LPP: variants seen among roughly 807,000 people sequenced by gnomAD.
LPP encodes lipoma-preferred partner.
Under a neutral mutation model 60.4 loss-of-function variants are expected in LPP, and 38 were observed. The ratio of observed to expected loss-of-function variants is 0.63; its 90% CI spans 0.49 to 0.83. The LOEUF is 0.83. Among genes scored for constraint, LPP ranks in the 40% least tolerant of loss-of-function variants. LPP has a pLI of 0.00. For missense variants in LPP, 902 were observed against 783.6 expected, an observed-to-expected ratio of 1.15 and a Z score of -1.80; for synonymous variants, 328 against 290.8, an observed-to-expected ratio of 1.13 and a Z score of -1.30.
intron 2 of LPP, among the ~76,000 whole-genome samples, chr3:188,322,643 T>G (rs1209349701): frequency 1.3e-5 from 2 of 152,290 alleles, no homozygotes; most frequent in Middle Eastern, 3.4e-3. Flanking sequence ...GAATGAAAAG[T>G]TGTGAGTGCT....
chr3:188,396,669 G>C (rs905737400), intron 3 of LPP, among the ~76,000 whole-genome samples: 1 of 152,194 alleles, frequency 6.6e-6, no homozygotes, highest in African/African-American at 2.4e-5. Flanking sequence ...TAGGCACTTA[G>C]CGTCTCACCT....
intron 2 of LPP, among the ~76,000 whole-genome samples, chr3:188,317,168 C>G (rs1019044867): frequency 5.3e-5 from 8 of 152,098 alleles, no homozygotes; most frequent in Admixed American, 5.2e-4. Flanking sequence ...AGGACACCCA[C>G]GTTCTTTGCA....
intron 5 of LPP, among the ~76,000 whole-genome samples, chr3:188,516,151 G>A (rs1817302069): frequency 1.3e-5 from 2 of 152,116 alleles, no homozygotes; most frequent in African/African-American, 4.8e-5. Context: ...CTGGAGAAGG[G>A]TACATTTGGG....
At chr3:188,715,392 A>G (rs1713521020) in intron 8 of LPP, among the ~76,000 whole-genome samples, 1 of 150,456 alleles carries the variant, frequency 6.6e-6, no homozygotes, top group Non-Finnish European at 1.5e-5. Flanking sequence ...AAAAAAAAAA[A>G]AAAAAAAAAA....
intron 1 of LPP, among the ~76,000 whole-genome samples, chr3:188,181,095 C>T (rs1322971590): frequency 6.6e-6 from 1 of 152,062 alleles, no homozygotes; most frequent in Non-Finnish European, 1.5e-5. Context: ...TGGCTCATGC[C>T]TGTAATCTCA....
At chr3:188,165,338 A>G (rs577437191) in intron 1 of LPP, among the ~76,000 whole-genome samples, 2 of 152,132 alleles carry the variant, frequency 1.3e-5, no homozygotes, top group East Asian at 3.9e-4. Context: ...ACCTGGGGAA[A>G]CTCAGATAAA....
chr3:188,766,468 A>G lies in LPP; in HGVS notation c.1410+6186A>G, dbSNP rs957192628. On this transcript the variant is annotated intron_variant, in intron 9 of 11. Coordinates refer to ENST00000617246, the MANE Select transcript of LPP (RefSeq NM_001375462.1). ...AACTTTTATGAAGCACTTTTCTTTT[A>G]TCATATTACCCTCTAATTAATGATC... Among the ~76,000 whole-genome samples the G allele has an allele frequency of 7.3e-5, 11 of 150,704 alleles. 1 individual carries two copies. The highest frequency in any genetic ancestry group is 3.0e-5 in the Non-Finnish European group (2 of 67,734).
intron 3 of LPP, among the ~76,000 whole-genome samples, chr3:188,393,752 A>G (rs914835351): frequency 4.6e-5 from 7 of 152,164 alleles, no homozygotes. Context: ...TTATATAACA[A>G]TCACTTGCTG....
At chr3:188,688,123 G>A (rs561990373) in intron 7 of LPP, among the ~76,000 whole-genome samples, 2 of 152,214 alleles carry the variant, frequency 1.3e-5, no homozygotes, top group Admixed American at 1.3e-4. Flanking sequence ...AAAGTACTTG[G>A]GAGAAGAAAA....
intron 6 of LPP, among the ~76,000 whole-genome samples, chr3:188,537,646 A>C (rs1225742705): frequency 6.6e-6 from 1 of 152,198 alleles, no homozygotes; most frequent in Non-Finnish European, 1.5e-5. Context: ...GATTAGTTGC[A>C]AGATGTAATA....
chr3:188,251,876 TTTATTTTTTGAATATGTAAA>T (rs1227906336), intron 2 of LPP, among the ~76,000 whole-genome samples: 3 of 151,612 alleles, frequency 2.0e-5, no homozygotes, highest in Admixed American at 2.0e-4. Flanking sequence ...TTTGTTTAAT[TTTATTTTTTGAATATGTAAA>T]ACATTAACAT....
intron 2 of LPP, chr3:188,240,280 A>C (rs1723654354): frequency 6.0e-6 from 1 of 167,924 alleles, no homozygotes; most frequent in Admixed American, 6.4e-5. Flanking sequence ...CATGGGTAGG[A>C]ATAGCTTACA....
intron 5 of LPP, among the ~76,000 whole-genome samples, chr3:188,519,659 G>C (rs1209007544): frequency 2.0e-5 from 3 of 152,038 alleles, no homozygotes; most frequent in African/African-American, 4.8e-5. Context: ...GTGCATATGG[G>C]GGATGTCGGG....
At chr3:188,522,805 ATATATATATATGTGTATG>A (rs1819284030) in intron 5 of LPP, among the ~76,000 whole-genome samples, 1 of 145,142 alleles carries the variant, frequency 6.9e-6, no homozygotes, top group Admixed American at 6.9e-5. Context: ...ATATATATAT[ATATATATATATGTGTATG>A]TGTGTGTGTA....
intron 7 of LPP, among the ~76,000 whole-genome samples, chr3:188,696,222 ACT>A (rs147482649): frequency 1.3e-3 from 199 of 147,870 alleles, no homozygotes; most frequent in Middle Eastern, 7.0e-3. Context: ...AGCACACAGT[ACT>A]CTCTCTCTCT....
chr3:188,641,249 A>G (rs1432653494), intron 7 of LPP, among the ~76,000 whole-genome samples: 2 of 152,222 alleles, frequency 1.3e-5, no homozygotes, highest in African/African-American at 2.4e-5. Flanking sequence ...ACAGTCAATT[A>G]TCTCCAAAGT....
chr3:188,536,559 TAA>T (rs1823694723), intron 6 of LPP, among the ~76,000 whole-genome samples: 1 of 152,238 alleles, frequency 6.6e-6, no homozygotes, highest in Non-Finnish European at 1.5e-5. Context: ...ATAAACATCT[TAA>T]AAATATATCT....
intron 7 of LPP, among the ~76,000 whole-genome samples, chr3:188,633,499 G>A (rs551262395): frequency 2.6e-5 from 4 of 152,292 alleles, no homozygotes; most frequent in African/African-American, 9.6e-5. Flanking sequence ...ATTCTTTGGA[G>A]TAACAATAAG....
intron 9 of LPP, among the ~76,000 whole-genome samples, chr3:188,783,255 G>A: frequency 6.6e-6 from 1 of 152,068 alleles, no homozygotes; most frequent in East Asian, 1.9e-4. Context: ...TTGGATATTA[G>A]AAATGCTGTC....
Sources: gnomAD v4.1 joint callset for allele counts (sites outside exome capture counted in the v4.1 genomes callset) on GRCh38, gnomAD v4.1.1 for gene constraint, MANE v1.5 for transcripts, NCBI Gene and HGNC (gene_info 2026-07-23, HGNC 2026-07-21) for gene names.